TJP1: variants seen among roughly 807,000 people sequenced by gnomAD.
TJP1 encodes the protein tight junction protein ZO-1.
In TJP1, 43 loss-of-function variants were observed where a neutral mutation model predicts 194.2. The observed-to-expected ratio is 0.22, with a 90% CI of 0.17 to 0.29. TJP1 has a LOEUF of 0.29. Ranked by LOEUF, TJP1 falls within the 10% of genes least tolerant of loss-of-function variation. The pLI is 1.00. For missense variants in TJP1, 1,971 were observed against 2,185.7 expected (o/e 0.90, Z 1.96); for synonymous variants, 801 against 779.0 (o/e 1.03, Z -0.47).
intron 1 of TJP1, among the ~76,000 whole-genome samples, chr15:29,810,526 T>C (rs1413863031): frequency 6.6e-6 from 1 of 152,200 alleles, no homozygotes; most frequent in Non-Finnish European, 1.5e-5. Flanking sequence ...GATGGATTAG[T>C]ACCTTCCTTC....
Position 29,718,718 on chromosome 15 carries a change from T to C in TJP1, c.3424A>G (p.Ser1142Gly), listed in dbSNP as rs2042735671. ...FEEPAPLSYD[S>G]RPRYEQAPRA... ...GGTGCCTGTTCGTAACGTGGTCTGCTGTCGTAAGACAGAGGGGCTGGCTCT... is the reference window on the plus strand; with the variant it reads ...GGTGCCTGTTCGTAACGTGGTCTGCCGTCGTAAGACAGAGGGGCTGGCTCT... The change falls in exon 21 of 28, where the codon AGC becomes GGC. Residue 1142 changes from serine (S) to glycine (G), a missense_variant. Around this residue, in one of 5 missense-constraint regions of TJP1, gnomAD observed 1,108 missense variants for 1,128.5 expected, o/e 0.98. Transcript: ENST00000614355. 1.2e-6 allele frequency: 2 copies of C among 1,614,052 alleles called. No homozygotes were observed. Among genetic ancestry groups the C allele is most frequent in the African/African-American group, 2.7e-5 (2 of 74,932 alleles).
At chr15:29,857,294 T>G (rs2051894196) in intron 2 of TJP1, among the ~76,000 whole-genome samples, 1 of 143,914 alleles carries the variant, frequency 6.9e-6, no homozygotes, top group African/African-American at 2.6e-5. Flanking sequence ...ATGGATACTG[T>G]TTTTTTTTTT....
In TJP1 at chr15:29,718,892, C is replaced by T. The variant is rs367857013; in HGVS notation, c.3250G>A (p.Val1084Ile). 9.3e-6 allele frequency: 15 copies of T among 1,614,020 alleles called. No homozygotes were observed. In the East Asian group the frequency reaches 1.1e-4, roughly 12 times the overall value. The change falls in exon 21 of 28, where the codon GTC (valine) becomes ATC (isoleucine). Residue 1084 changes from valine (V) to isoleucine (I), a missense_variant. By Grantham distance (29) the Val-to-Ile change is conservative. Coordinates refer to ENST00000614355, the MANE Select transcript of TJP1 (RefSeq NM_001330239.4). ...YEHRLRYEDR[V>I]PMYEEQWSYY... ...GACCACTGTTCTTCATACATGGGGA[C>T]GCGATCTTCGTATCGCAGACGATGT...
chr15:29,930,541 C>G (rs1395997311), intron 2 of TJP1, among the ~76,000 whole-genome samples: 3 of 148,898 alleles, frequency 2.0e-5, no homozygotes, highest in Non-Finnish European at 4.5e-5. Context: ...ATTCCTGATA[C>G]AAACACCTGG....
chr15:29,819,897 C>T (rs1296926236), intron 1 of TJP1, among the ~76,000 whole-genome samples: 2 of 152,106 alleles, frequency 1.3e-5, no homozygotes, highest in African/African-American at 4.8e-5. Context: ...ATAGCCTTTG[C>T]CTCGGTAATT....
At chr15:29,805,422 G>A (rs376857408) in intron 1 of TJP1, among the ~76,000 whole-genome samples, 1 of 152,140 alleles carries the variant, frequency 6.6e-6, no homozygotes, top group South Asian at 2.1e-4. Context: ...ATCCAAAAGA[G>A]AAGATATAAA....
chr15:29,766,971 A>G (rs1207270893), intron 4 of TJP1, among the ~76,000 whole-genome samples: 2 of 152,210 alleles, frequency 1.3e-5, no homozygotes, highest in East Asian at 3.8e-4. Flanking sequence ...TTTAGAATGC[A>G]TCAATATCAA....
At chr15:29,881,512 T>A (rs369770460) in intron 2 of TJP1, among the ~76,000 whole-genome samples, 2 of 152,228 alleles carry the variant, frequency 1.3e-5, no homozygotes, top group African/African-American at 4.8e-5. Flanking sequence ...GTTTAAATTC[T>A]GCCAGTGTCA....
intron 8 of TJP1, among the ~76,000 whole-genome samples, chr15:29,753,890 A>AAC: frequency 6.6e-6 from 1 of 152,286 alleles, no homozygotes; most frequent in South Asian, 2.1e-4. Flanking sequence ...TAGTACTACC[A>AAC]ACACCATGTT....
At chr15:29,727,693 G>A (rs886180293) in intron 16 of TJP1, among the ~76,000 whole-genome samples, 1 of 152,150 alleles carries the variant, frequency 6.6e-6, no homozygotes, top group African/African-American at 2.4e-5. Flanking sequence ...TATATAAGCA[G>A]TCTGTTAATT....
intron 2 of TJP1, among the ~76,000 whole-genome samples, chr15:29,777,138 CG>C (rs1161779024): frequency 6.6e-6 from 1 of 152,098 alleles, no homozygotes; most frequent in East Asian, 1.9e-4. Context: ...CTACTGAAAA[CG>C]TGTGTATTCA....
intron 2 of TJP1, among the ~76,000 whole-genome samples, chr15:29,832,347 C>T (rs1038826334): frequency 3.3e-5 from 5 of 152,174 alleles, no homozygotes; most frequent in South Asian, 2.1e-4. Context: ...GTAGACCACA[C>T]AGCCCCAGCC....
rs371226803 is a variant in TJP1, at chr15:29,716,763, T to C, written c.4050A>G (p.Glu1350=). 34 of 1,614,038 alleles carry C rather than the reference T, an allele frequency of 2.1e-5. No homozygotes were observed. The highest frequency in any genetic ancestry group is 2.5e-5 in the Non-Finnish European group (30 of 1,180,002). ...IVRSNHYDPE[E]DEEYYRKQLS... is the part of the protein sequence containing the mutation. The stretch of plus-strand genomic sequence containing the variant: ...GCTGTTTTCGATAATATTCTTCATC[T>C]TCTTCAGGGTCATAATGATTGGACC... Residue 1350 remains glutamate, a synonymous_variant, in exon 23 of 28, where the codon GAA becomes GAG. Coordinates refer to ENST00000614355, the MANE Select transcript of TJP1 (RefSeq NM_001330239.4).
chr15:29,882,224 G>T (rs1366528802), intron 2 of TJP1, among the ~76,000 whole-genome samples: 1 of 152,108 alleles, frequency 6.6e-6, no homozygotes, highest in Non-Finnish European at 1.5e-5. Flanking sequence ...CCACTAGCAA[G>T]GACCTGACAG....
At chr15:29,932,359 A>G (rs1232992861) in intron 2 of TJP1, among the ~76,000 whole-genome samples, 1 of 152,218 alleles carries the variant, frequency 6.6e-6, no homozygotes, top group Admixed American at 6.5e-5. Flanking sequence ...TTTGACAGAC[A>G]TGGTATTATA....
chr15:29,951,314 C>T (rs112702754), intron 2 of TJP1, among the ~76,000 whole-genome samples: 4,794 of 151,874 alleles, frequency 0.032, 271 homozygotes, highest in African/African-American at 0.11. Flanking sequence ...ATTATAGGTG[C>T]CCGCTACCAT....
At chr15:29,838,119 A>G (rs1008030783) in intron 2 of TJP1, among the ~76,000 whole-genome samples, 6 of 152,212 alleles carry the variant, frequency 3.9e-5, no homozygotes, top group African/African-American at 1.4e-4. Flanking sequence ...TTATTTTGAA[A>G]CAATCGTAGA....
At position 29,809,857 on chromosome 15, in the gene TJP1, A is replaced by C. The variant is rs191552532; in HGVS notation, c.28-9155T>G. 2.1e-3 allele frequency among the ~76,000 whole-genome samples: 324 copies of C among 152,190 alleles called. 1 individual carries two copies. The highest frequency in any genetic ancestry group is 6.8e-3 in the Middle Eastern group (2 of 294). On this transcript the variant is annotated intron_variant, in intron 1 of 27. Coordinates refer to ENST00000614355, the MANE Select transcript of TJP1 (RefSeq NM_001330239.4). ...AGCGAAACTCCGTCTTAAAAAAAAA[A>C]AACCAAACACTTAAGTACTTGATTT...
intron 2 of TJP1, among the ~76,000 whole-genome samples, chr15:29,828,900 G>T (rs1179347090): frequency 6.6e-6 from 1 of 151,870 alleles, no homozygotes; most frequent in Non-Finnish European, 1.5e-5. Flanking sequence ...TGCCTGGCTA[G>T]GTTTTTTGTT....
Sources: gnomAD v4.1 joint callset for allele counts (sites outside exome capture counted in the v4.1 genomes callset) on GRCh38, gnomAD v4.1.1 for gene constraint, gnomAD v4.1.1 regional missense constraint, MANE v1.5 for transcripts, NCBI Gene and HGNC (gene_info 2026-07-23, HGNC 2026-07-21) for gene names.